TNP2: variants seen among roughly 807,000 people sequenced by gnomAD.
TNP2 encodes nuclear transition protein 2.
TNP2 carries 10 observed loss-of-function variants against 8.5 expected under a neutral mutation model. That is an observed-to-expected ratio of 1.17 (90% CI 0.72 to 1.99). The LOEUF is 1.99. TNP2 is among the 30% of genes most tolerant of loss of function. The pLI is 0.00. For missense variants in TNP2, 222 were observed against 181.2 expected, an observed-to-expected ratio of 1.23 and a Z score of -1.29; for synonymous variants, 80 against 62.3, an observed-to-expected ratio of 1.28 and a Z score of -1.34.
chr16:11,268,572 T>A lies in TNP2; in HGVS notation c.400+291A>T. 3 of 435,454 alleles carry A rather than the reference T, an allele frequency of 6.9e-6. No homozygotes were observed. The East Asian group carries it at 1.0e-4, about 15-fold the overall frequency. 27.0% of individuals were successfully genotyped at this position (435,454 alleles called of 1,614,324 possible). Reference sequence around the variant, plus strand: ...ATCCTTTCTATAACCTATTTATTGTTTACCCACCCAGTCATCCACCCAACC... The same window carrying A: ...ATCCTTTCTATAACCTATTTATTGTATACCCACCCAGTCATCCACCCAACC... On this transcript the variant is annotated intron_variant, in intron 1 of 1. Coordinates refer to ENST00000312693, the MANE Select transcript of TNP2 (RefSeq NM_005425.5).
rs539271269 is a variant in TNP2, at chr16:11,269,215, A to G, written c.48T>C (p.His16=). 24 of 1,608,002 alleles carry G rather than the reference A, an allele frequency of 1.5e-5. No homozygotes were observed. Among genetic ancestry groups the G allele is most frequent in the African/African-American group, 1.1e-4 (8 of 75,022 alleles). ...TGCGGCTTTGGGGCTGAGAGTTGCT[A>G]TGGAGCTGAGTGTGGGTGATAGGAA... is the stretch of plus-strand genomic sequence containing the variant. ...HSLPITHTQL[H]SNSQPQSRTC... Residue 16 remains histidine, a synonymous_variant, in exon 1 of 2, where the codon CAT becomes CAC. Coordinates refer to ENST00000312693, the MANE Select transcript of TNP2 (RefSeq NM_005425.5).
chr16:11,268,707 A>AAG, intron 1 of TNP2, 156 bp downstream of exon 1: 1 of 773,070 alleles, frequency 1.3e-6, no homozygotes, highest in Non-Finnish European at 1.9e-6. Flanking sequence ...TGTATCATAC[A>AAG]TTCAGCTAGC....
rs771404546 is a variant in TNP2, at chr16:11,269,230, G to A, written c.33C>T (p.Thr11=). The change falls in exon 1 of 2, where the codon ACC becomes ACT. Residue 11 remains threonine (T), a synonymous_variant. Coordinates refer to ENST00000312693, the MANE Select transcript of TNP2 (RefSeq NM_005425.5). ...GAGAGTTGCTATGGAGCTGAGTGTG[G>A]GTGATAGGAAGGCTGTGAGTCTGGG... MDTQTHSLPI[T]HTQLHSNSQP... 6 of 1,605,370 alleles carry A rather than the reference G, an allele frequency of 3.7e-6. No individual in the cohort carries two copies. The highest frequency in any genetic ancestry group is 4.5e-5 in the East Asian group (2 of 44,874).
chr16:11,268,531 A>G (rs1016013621), intron 1 of TNP2: 3 of 403,810 alleles, frequency 7.4e-6, no homozygotes, highest in African/African-American at 6.2e-5. Context: ...CATTCAGCCA[A>G]TGCATTCTTC....
Position 11,268,016 on chromosome 16 carries a change from A to G in TNP2, c.401-4T>C, listed in dbSNP as rs775418864. 13 of 1,612,300 alleles carry G rather than the reference A, an allele frequency of 8.1e-6. No individual in the cohort carries two copies. In the East Asian group the frequency reaches 2.5e-4, roughly 30 times the overall value. On this transcript the variant is annotated splice_polypyrimidine_tract_variant and splice_region_variant and intron_variant, in intron 1 of 1. Transcript: ENST00000312693. Reference sequence around the variant, plus strand: ...TCTCATTAGTTGGATTTCCATCCTAAGGGATAAGAGTGGGAAAGGAACCTT... The same window carrying G: ...TCTCATTAGTTGGATTTCCATCCTAGGGGATAAGAGTGGGAAAGGAACCTT...
rs200067174 is a variant in TNP2, at chr16:11,268,871, C to T, written c.392G>A (p.Arg131Gln). The T allele has an allele frequency of 2.9e-4, 459 of 1,578,186 alleles. 1 individual carries two copies. The highest frequency in any genetic ancestry group is 4.2e-4 in the South Asian group (36 of 85,060). Residue 131 changes from arginine (R) to glutamine (Q), a missense_variant, in exon 1 of 2, where the codon CGG (arginine) becomes CAG (glutamine). By Grantham distance (43) the Arg-to-Gln change is conservative (BLOSUM62 1). Transcript: ENST00000312693. ...RIQQVYKTKT[R>Q]SSGWKSN ...ACCTCCTTAAAGGGTACCTGAGCTC[C>T]GCGTCTTGGTTTTGTACACCTGCTG...
rs1016450716 is a variant in TNP2, at chr16:11,268,756, C to T, written c.400+107G>A. 80 of 1,212,142 alleles carry T rather than the reference C, an allele frequency of 6.6e-5. 1 individual carries two copies. Among genetic ancestry groups the T allele is most frequent in the Non-Finnish European group, 8.4e-5 (75 of 897,186 alleles). 75.1% of individuals were successfully genotyped at this position (1,212,142 alleles called of 1,614,324 possible). On this transcript the variant is annotated intron_variant, in intron 1 of 1. Coordinates refer to ENST00000312693, the MANE Select transcript of TNP2 (RefSeq NM_005425.5). ...TTCTCTTCTCCCTCTTCCTTCTTGC[C>T]TGTGGTTCCTTTGTGACCTGGCTGC... is the stretch of plus-strand genomic sequence containing the variant.
intron 1 of TNP2, chr16:11,268,594 A>C (rs1182884311): frequency 2.3e-6 from 1 of 442,586 alleles, no homozygotes; most frequent in Admixed American, 3.8e-5. Flanking sequence ...TCATCCACCC[A>C]ACCTCTCAAC....
Position 11,267,920 on chromosome 16 carries a change from C to A in TNP2, c.*76G>T. 1 of 1,494,898 alleles carries A rather than the reference C, an allele frequency of 6.7e-7. No individual in the cohort carries two copies. The highest frequency in any genetic ancestry group is 9.2e-7 in the Non-Finnish European group (1 of 1,086,316). The allele number at this position is 1,494,898 out of a possible 1,614,324, so 92.6% of individuals were successfully genotyped here. A position where few individuals can be genotyped will look rare whatever the true frequency, so the allele number is the denominator to read the frequency against. ...AAATCACCATAGTAACATGTTCCTG[C>A]AAGAAGATTGACTTCATCCTAGCAT... On this transcript the variant is annotated 3_prime_UTR_variant, in exon 2 of 2. Coordinates refer to ENST00000312693, the MANE Select transcript of TNP2 (RefSeq NM_005425.5).
chr16:11,268,509 C>T, intron 1 of TNP2: 1 of 384,874 alleles, frequency 2.6e-6, no homozygotes. Context: ...TAATCGTATC[C>T]AAACTTCCTA....
rs1358246236 is a variant in TNP2 at position 11,269,063 on chromosome 16, C to T, written c.200G>A (p.Gly67Asp). ...RNPTGAHSSS[G>D]HQSQSPNTSP... The stretch of plus-strand genomic sequence containing the variant: ...AGTGTTGGGACTCTGGCTCTGGTGG[C>T]CGGATGAGCTGTGGGCTCCAGTTGG... The change falls in exon 1 of 2, where the codon GGC becomes GAC. Residue 67 changes from glycine (G) to aspartate (D), a missense_variant. Transcript: ENST00000312693. 1 of 1,613,954 alleles carries T rather than the reference C, an allele frequency of 6.2e-7. No individual in the cohort carries two copies. Among genetic ancestry groups the T allele is most frequent in the Non-Finnish European group, 8.5e-7 (1 of 1,179,892 alleles).
At chr16:11,268,824 G>A in intron 1 of TNP2, 39 bp downstream of exon 1, 1 of 1,516,260 alleles carries the variant, frequency 6.6e-7, no homozygotes, top group Non-Finnish European at 8.8e-7. Context: ...TCCATCATCT[G>A]TGGGCTCGGT....
chr16:11,268,741 C>A, intron 1 of TNP2, 122 bp downstream of exon 1: 2 of 1,062,606 alleles, frequency 1.9e-6, no homozygotes, highest in South Asian at 1.9e-5. Flanking sequence ...TTCTCTTCTC[C>A]CTCTTCCTTC....
rs774868548 is a variant in TNP2, at chr16:11,269,235, T to C, written c.28A>G (p.Ile10Val). MDTQTHSLP[I>V]THTQLHSNSQ... Reference sequence around the variant, plus strand: ...TTGCTATGGAGCTGAGTGTGGGTGATAGGAAGGCTGTGAGTCTGGGTGTCC... The same window carrying C: ...TTGCTATGGAGCTGAGTGTGGGTGACAGGAAGGCTGTGAGTCTGGGTGTCC... Residue 10 changes from isoleucine to valine, a missense_variant, in exon 1 of 2, where the codon ATC becomes GTC. Coordinates refer to ENST00000312693, the MANE Select transcript of TNP2 (RefSeq NM_005425.5). 5.0e-6 allele frequency: 8 copies of C among 1,604,138 alleles called. No individual in the cohort carries two copies. In the African/African-American group the frequency reaches 9.3e-5, roughly 19 times the overall value.
At chr16:11,268,762 T>G (rs2069743630) in intron 1 of TNP2, 101 bp downstream of exon 1, 1 of 1,287,240 alleles carries the variant, frequency 7.8e-7, no homozygotes, top group South Asian at 1.7e-5. Context: ...TTGCCTGTGG[T>G]TCCTTTGTGA....
intron 1 of TNP2, chr16:11,268,320 A>G (rs2069736138): frequency 1.2e-5 from 4 of 334,608 alleles, no homozygotes; most frequent in Non-Finnish European, 1.1e-5. Flanking sequence ...CAATTACTCT[A>G]TATTACTCTA....
At position 11,269,196 on chromosome 16, in the gene TNP2, T is replaced by G; in HGVS notation, c.67A>C (p.Ser23Arg). The G allele has an allele frequency of 6.2e-7, 1 of 1,611,000 alleles. No individual in the cohort carries two copies. Among genetic ancestry groups the G allele is most frequent in the Non-Finnish European group, 8.5e-7 (1 of 1,179,856 alleles). Residue 23 changes from serine to arginine, a missense_variant, in exon 1 of 2, where the codon AGC (serine) becomes CGC (arginine). Physicochemically the swap from Ser to Arg is moderately radical, Grantham distance 110. Coordinates refer to ENST00000312693, the MANE Select transcript of TNP2 (RefSeq NM_005425.5). Reference sequence around the variant, plus strand: ...TGGCAATGGCGGGTGCAGGTGCGGCTTTGGGGCTGAGAGTTGCTATGGAGC... The same window carrying G: ...TGGCAATGGCGGGTGCAGGTGCGGCGTTGGGGCTGAGAGTTGCTATGGAGC... ...TQLHSNSQPQ[S>R]RTCTRHCQTF...
rs1597700079 is a variant in TNP2, at chr16:11,269,233, G to A, written c.30C>T (p.Ile10=). 3.7e-6 allele frequency: 6 copies of A among 1,604,704 alleles called. No individual in the cohort carries two copies. Among genetic ancestry groups the A allele is most frequent in the Non-Finnish European group, 5.1e-6 (6 of 1,179,786 alleles). Residue 10 remains isoleucine (I), a synonymous_variant, in exon 1 of 2, where the codon ATC becomes ATT. Transcript: ENST00000312693. ...AGTTGCTATGGAGCTGAGTGTGGGT[G>A]ATAGGAAGGCTGTGAGTCTGGGTGT... is the stretch of plus-strand genomic sequence containing the variant. MDTQTHSLP[I]THTQLHSNSQ... is the part of the protein sequence containing the mutation.
intron 1 of TNP2, chr16:11,268,505 TA>T (rs2069739613): frequency 5.3e-6 from 2 of 379,294 alleles, no homozygotes; most frequent in South Asian, 1.9e-4. Flanking sequence ...CAGCTAATCG[TA>T]TCCAAACTTC....
Sources: allele counts gnomAD v4.1 joint callset, GRCh38; gene constraint gnomAD v4.1.1; transcripts MANE v1.5; gene names NCBI Gene and HGNC (gene_info 2026-07-23, HGNC 2026-07-21).